Variants in RBPJ observed in about 807,000 individuals in gnomAD.
The protein encoded by RBPJ is recombination signal binding protein for immunoglobulin kappa J region.
Under a neutral mutation model 67.8 loss-of-function variants are expected in RBPJ, and 9 were observed. The observed-to-expected ratio is 0.13, with a 90% CI of 0.08 to 0.23. The LOEUF (loss-of-function observed/expected upper bound fraction) is 0.23, where lower values mean the gene tolerates loss of function less well. RBPJ is among the 10% of genes least tolerant of loss of function. The probability of loss-of-function intolerance (pLI) is 1.00; values close to 1 mark genes in which losing one functional copy is unlikely to be tolerated. For missense variants in RBPJ, 305 were observed against 595.6 expected (o/e 0.51, Z 5.08); for synonymous variants, 198 against 203.3 (o/e 0.97, Z 0.22).
the RBPJ span, among the ~76,000 whole-genome samples, chr4:26,109,357 C>T: frequency 0.039 from 5,682 of 144,940 alleles, 412 homozygotes; most frequent in African/African-American, 0.14. Flanking sequence ...CCACCTGCCT[C>T]GGCTGCCCAA....
the RBPJ span, among the ~76,000 whole-genome samples, chr4:26,123,505 A>G: frequency 6.6e-6 from 1 of 152,122 alleles, no homozygotes; most frequent in African/African-American, 2.4e-5. Context: ...TAAATTTATA[A>G]AGAATTTTTT....
intron 1 of RBPJ, among the ~76,000 whole-genome samples, chr4:26,282,059 C>T (rs569919233): frequency 1.3e-5 from 2 of 151,342 alleles, no homozygotes; most frequent in African/African-American, 4.9e-5. Flanking sequence ...ATGTGTTTAT[C>T]TAGGAAGAGA....
At chr4:26,272,062 T>C (rs1720934272) in intron 1 of RBPJ, among the ~76,000 whole-genome samples, 1 of 152,186 alleles carries the variant, frequency 6.6e-6, no homozygotes, top group African/African-American at 2.4e-5. Flanking sequence ...CAGGACTGGG[T>C]TGGGAATATT....
intron 1 of RBPJ, among the ~76,000 whole-genome samples, chr4:26,324,192 G>A (rs764394699): frequency 6.6e-6 from 1 of 152,178 alleles, no homozygotes; most frequent in Admixed American, 6.5e-5. Flanking sequence ...ACTGAAATAA[G>A]CTAATGTGAA....
chr4:26,115,696 C>CTGTATT, the RBPJ span, among the ~76,000 whole-genome samples: 1 of 152,182 alleles, frequency 6.6e-6, no homozygotes, highest in African/African-American at 2.4e-5. Context: ...TCACAAGGAA[C>CTGTATT]TGTATTACAT....
chr4:26,218,065 C>G (rs555592978), intron 1 of RBPJ, among the ~76,000 whole-genome samples: 87 of 152,322 alleles, frequency 5.7e-4, no homozygotes, highest in African/African-American at 2.1e-3. Context: ...GAGCCCCGCA[C>G]AGGGAACAAG....
intron 1 of RBPJ, among the ~76,000 whole-genome samples, chr4:26,277,274 C>CA (rs754017128): frequency 0.021 from 2,353 of 113,360 alleles, 78 homozygotes; most frequent in African/African-American, 0.061. Flanking sequence ...CCTGTTTGTT[C>CA]AAAAAAAAAA....
At chr4:26,309,405 A>G (rs1380886043) in intron 1 of RBPJ, among the ~76,000 whole-genome samples, 2 of 152,228 alleles carry the variant, frequency 1.3e-5, no homozygotes, top group Admixed American at 1.3e-4. Flanking sequence ...ACAAAACTGA[A>G]CATGGGTATG....
intron 1 of RBPJ, among the ~76,000 whole-genome samples, chr4:26,197,802 G>C (rs1277049650): frequency 1.3e-5 from 2 of 152,112 alleles, no homozygotes; most frequent in African/African-American, 2.4e-5. Flanking sequence ...AGGTAAAGGA[G>C]AGGAGAGAGG....
intron 1 of RBPJ, among the ~76,000 whole-genome samples, chr4:26,199,714 CT>C (rs1717914525): frequency 6.6e-6 from 1 of 152,174 alleles, no homozygotes; most frequent in Admixed American, 6.5e-5. Flanking sequence ...TTTCAAAAAC[CT>C]GGCAAGTGGT....
intron 1 of RBPJ, among the ~76,000 whole-genome samples, chr4:26,216,861 G>A (rs542308367): frequency 1.6e-4 from 24 of 152,268 alleles, no homozygotes; most frequent in African/African-American, 5.5e-4. Flanking sequence ...GGAAGTTGAG[G>A]CTACAGTGAG....
At chr4:26,407,633 G>C (rs1001173775) in intron 3 of RBPJ, among the ~76,000 whole-genome samples, 1 of 152,060 alleles carries the variant, frequency 6.6e-6, no homozygotes, top group Admixed American at 6.6e-5. Flanking sequence ...AAGATCAAAG[G>C]TTTTTTAATT....
chr4:26,271,382 C>G (rs1039031147), intron 1 of RBPJ, among the ~76,000 whole-genome samples: 10 of 152,102 alleles, frequency 6.6e-5, no homozygotes, highest in Admixed American at 2.0e-4. Context: ...TATATTCCCT[C>G]TTCATAAAGG....
intron 1 of RBPJ, among the ~76,000 whole-genome samples, chr4:26,369,643 T>C (rs559522470): frequency 6.6e-6 from 1 of 152,336 alleles, no homozygotes; most frequent in South Asian, 2.1e-4. Context: ...AAAAGCTCTG[T>C]ATTTCAACTA....
At chr4:26,361,048 A>AGTGTGTGT (rs771047801) in intron 1 of RBPJ, among the ~76,000 whole-genome samples, 33,328 of 147,206 alleles carry the variant, frequency 0.23, 4,248 homozygotes, top group East Asian at 0.33. Context: ...TTCAGGAGTG[A>AGTGTGTGT]GTGTGTGTGC....
At chr4:26,316,487 T>A (rs1722628171), upstream of RBPJ, among the ~76,000 whole-genome samples, 1 of 115,348 alleles carries the variant, frequency 8.7e-6, no homozygotes, top group African/African-American at 3.0e-5. Flanking sequence ...ATATACATAT[T>A]CATATATATA....
At chr4:26,126,592 A>G in the RBPJ span, among the ~76,000 whole-genome samples, 3 of 152,230 alleles carry the variant, frequency 2.0e-5, no homozygotes, top group Admixed American at 1.3e-4. Flanking sequence ...TGGCAGGTCA[A>G]ACTAATGCCC....
intron 1 of RBPJ, among the ~76,000 whole-genome samples, chr4:26,231,708 A>G (rs1719292722): frequency 6.6e-6 from 1 of 151,354 alleles, no homozygotes; most frequent in Non-Finnish European, 1.5e-5. Context: ...CACGGCGCCC[A>G]GCCTATTTTT....
chr4:26,347,137 G>T (rs1726243727), intron 1 of RBPJ, among the ~76,000 whole-genome samples: 1 of 152,226 alleles, frequency 6.6e-6, no homozygotes, highest in African/African-American at 2.4e-5. Flanking sequence ...AGTTGAGTTA[G>T]TTTGGGGAGA....
Sources: allele counts gnomAD v4.1 joint callset (sites outside exome capture counted in the v4.1 genomes callset), GRCh38; gene constraint gnomAD v4.1.1; transcripts MANE v1.5; gene names NCBI Gene and HGNC (gene_info 2026-07-23, HGNC 2026-07-21).